CDH18: variants seen among roughly 807,000 people sequenced by gnomAD.
The protein encoded by CDH18 is cadherin 18.
In CDH18, 31 loss-of-function variants were observed where a neutral mutation model predicts 67.9. The ratio of observed to expected loss-of-function variants is 0.46; its 90% CI spans 0.34 to 0.62. CDH18 has a LOEUF of 0.62. Among genes scored for constraint, CDH18 ranks in the 20% least tolerant of loss-of-function variants. CDH18 has a pLI of 0.01. For synonymous variants in CDH18, 362 were observed against 347.2 expected, an observed-to-expected ratio of 1.04 and a Z score of -0.48; for missense variants, 890 against 975.5, an observed-to-expected ratio of 0.91 and a Z score of 1.17.
At chr5:19,988,627 G>T (rs1799794110), upstream of CDH18, among the ~76,000 whole-genome samples, 1 of 152,032 alleles carries the variant, frequency 6.6e-6, no homozygotes, top group Non-Finnish European at 1.5e-5. Flanking sequence ...AGCGAGAGGG[G>T]TTTGACTGTC....
chr5:20,339,338 C>T lies in CDH18; in HGVS notation c.-579-83833G>A, dbSNP rs146007761. On this transcript the variant is annotated intron_variant, in intron 1 of 14. Coordinates refer to the CDH18 transcript ENST00000507958. The stretch of plus-strand genomic sequence containing the variant: ...ATTAATTTTAACACCATCCAGCAGC[C>T]GGACCTTTTCTGCAAACATGAGCGT... Among the ~76,000 whole-genome samples the T allele has an allele frequency of 5.9e-5, 9 of 152,236 alleles. No individual in the cohort carries two copies. The East Asian group carries it at 7.8e-4, about 13-fold the overall frequency.
chr5:19,544,648 A>C (rs929566921), intron 8 of CDH18, among the ~76,000 whole-genome samples: 11 of 152,132 alleles, frequency 7.2e-5, no homozygotes, highest in Non-Finnish European at 1.5e-4. Flanking sequence ...ATTTCAGCTT[A>C]CTTTTGTAAT....
In CDH18 at chr5:20,543,605, C is replaced by T. The variant is rs140607765; in HGVS notation, c.-580+31857G>A. Among the ~76,000 whole-genome samples the T allele has an allele frequency of 2.0e-5, 3 of 152,146 alleles. No individual in the cohort carries two copies. The East Asian group carries it at 5.8e-4, about 29-fold the overall frequency. On this transcript the variant is annotated intron_variant, in intron 1 of 14. Coordinates refer to the CDH18 transcript ENST00000507958. ...ATAGAATAGAAGTTGTATAAAGCTG[C>T]CTGGAGATGTAGGATTAATATTTTA...
intron 2 of CDH18, among the ~76,000 whole-genome samples, chr5:20,023,685 T>C (rs1301546224): frequency 2.1e-5 from 3 of 145,954 alleles, no homozygotes; most frequent in Non-Finnish European, 4.5e-5. Context: ...AAAAGAAAGG[T>C]ATTTATTTAT....
intron 2 of CDH18, among the ~76,000 whole-genome samples, chr5:20,071,079 T>G (rs1445558204): frequency 1.3e-5 from 2 of 152,122 alleles, no homozygotes; most frequent in African/African-American, 2.4e-5. Flanking sequence ...AAACTGAGAT[T>G]TGAAATTAAG....
At chr5:20,351,827 C>A (rs1023674590) in intron 1 of CDH18, among the ~76,000 whole-genome samples, 1 of 151,988 alleles carries the variant, frequency 6.6e-6, no homozygotes, top group African/African-American at 2.4e-5. Flanking sequence ...CTTCACTTTT[C>A]GGTATTGCTT....
chr5:19,572,434 GC>G (rs1741594700), intron 7 of CDH18, among the ~76,000 whole-genome samples: 1 of 151,940 alleles, frequency 6.6e-6, no homozygotes, highest in Non-Finnish European at 1.5e-5. Flanking sequence ...TCTTTTTTTG[GC>G]AGGAACAGAA....
intron 5 of CDH18, among the ~76,000 whole-genome samples, chr5:19,685,874 T>A (rs944885454): frequency 6.6e-6 from 1 of 152,136 alleles, no homozygotes; most frequent in African/African-American, 2.4e-5. Flanking sequence ...ACAGGATATT[T>A]TTAAGTTCCA....
At chr5:19,874,592 G>C (rs886574334) in intron 2 of CDH18, among the ~76,000 whole-genome samples, 3 of 152,058 alleles carry the variant, frequency 2.0e-5, no homozygotes, top group African/African-American at 7.2e-5. Flanking sequence ...TCTTGACCTT[G>C]AATTTAGATT....
intron 1 of CDH18, among the ~76,000 whole-genome samples, chr5:20,289,580 G>GTCAATATC (rs1310791167): frequency 6.6e-6 from 1 of 151,954 alleles, no homozygotes; most frequent in African/African-American, 2.4e-5. Context: ...TAGGACCACA[G>GTCAATATC]TCAATATCTT....
chr5:19,491,685 G>A (rs1188876527), intron 11 of CDH18, among the ~76,000 whole-genome samples: 2 of 151,694 alleles, frequency 1.3e-5, no homozygotes, highest in East Asian at 1.9e-4. Flanking sequence ...ATCTTCTTTC[G>A]CCAACCCCAA....
intron 11 of CDH18, among the ~76,000 whole-genome samples, chr5:19,489,938 AC>A (rs1376194504): frequency 7.2e-6 from 1 of 138,538 alleles, no homozygotes; most frequent in Non-Finnish European, 1.6e-5. Flanking sequence ...TCATAAACAT[AC>A]AACTATAATA....
At chr5:20,043,355 C>G (rs1010280134) in intron 2 of CDH18, among the ~76,000 whole-genome samples, 3 of 152,134 alleles carry the variant, frequency 2.0e-5, no homozygotes, top group African/African-American at 7.2e-5. Flanking sequence ...TAATTTAACT[C>G]TCCTTTCTTT....
At chr5:19,706,759 C>G (rs1318643590) in intron 5 of CDH18, among the ~76,000 whole-genome samples, 1 of 152,186 alleles carries the variant, frequency 6.6e-6, no homozygotes, top group Non-Finnish European at 1.5e-5. Flanking sequence ...AAACACATTA[C>G]TGGTATCCCA....
chr5:20,012,969 T>C (rs1025177640), intron 2 of CDH18, among the ~76,000 whole-genome samples: 11 of 152,070 alleles, frequency 7.2e-5, no homozygotes, highest in Admixed American at 6.6e-5. Context: ...TTATCTAATA[T>C]ATCTTGGTGA....
intron 1 of CDH18, among the ~76,000 whole-genome samples, chr5:20,444,829 A>G (rs1453892150): frequency 2.6e-5 from 4 of 151,898 alleles, no homozygotes; most frequent in African/African-American, 9.7e-5. Flanking sequence ...ACATTTTATA[A>G]AAAGAAAATA....
At chr5:20,333,236 T>G (rs1739350363) in intron 1 of CDH18, among the ~76,000 whole-genome samples, 1 of 151,932 alleles carries the variant, frequency 6.6e-6, no homozygotes, top group African/African-American at 2.4e-5. Flanking sequence ...TGGCCGGGCA[T>G]GGTGGCTCAC....
chr5:19,994,254 T>C (rs868143092), intron 2 of CDH18, among the ~76,000 whole-genome samples: 4 of 147,756 alleles, frequency 2.7e-5, no homozygotes, highest in South Asian at 2.1e-4. Flanking sequence ...CATATACACA[T>C]ATATACACAT....
At chr5:19,923,588 A>G (rs1466435125) in intron 2 of CDH18, among the ~76,000 whole-genome samples, 1 of 152,150 alleles carries the variant, frequency 6.6e-6, no homozygotes, top group Non-Finnish European at 1.5e-5. Context: ...CTGGCATCTA[A>G]TTAAAATATA....
Sources: allele counts gnomAD v4.1 joint callset (sites outside exome capture counted in the v4.1 genomes callset), GRCh38; gene constraint gnomAD v4.1.1; transcripts MANE v1.5; gene names NCBI Gene and HGNC (gene_info 2026-07-23, HGNC 2026-07-21).